The following BIN3 variants were observed in gnomAD, a reference collection of about 807,000 sequenced individuals.
BIN3 encodes the protein bridging integrator 3.
Under a neutral mutation model 38.2 loss-of-function variants are expected in BIN3, and 41 were observed. That is an observed-to-expected ratio of 1.07 (90% CI 0.84 to 1.39). The LOEUF (loss-of-function observed/expected upper bound fraction) is 1.39. Ranked by LOEUF, BIN3 falls within the 40% of genes most tolerant of loss-of-function variation. BIN3 has a pLI of 0.00. For synonymous variants in BIN3, 145 were observed against 122.6 expected (o/e 1.18, Z -1.21); for missense variants, 361 against 324.3 (o/e 1.11, Z -0.87).
intron 1 of BIN3, among the ~76,000 whole-genome samples, chr8:22,663,743 G>A (rs1585207974): frequency 1.3e-5 from 2 of 152,150 alleles, no homozygotes; most frequent in East Asian, 3.8e-4. Flanking sequence ...CTGACAGTCC[G>A]CACAAACACT....
At chr8:22,667,613 G>A (rs148683910) in intron 1 of BIN3, among the ~76,000 whole-genome samples, 4 of 152,314 alleles carry the variant, frequency 2.6e-5, no homozygotes, top group Non-Finnish European at 4.4e-5. Context: ...AAGAATTGCC[G>A]CTTTGCCCAC....
chr8:22,658,188 GAT>G (rs1285079021), intron 1 of BIN3, among the ~76,000 whole-genome samples: 1 of 152,182 alleles, frequency 6.6e-6, no homozygotes, highest in Non-Finnish European at 1.5e-5. Flanking sequence ...CAGGAGAAGA[GAT>G]ATTTTAGTCT....
In BIN3 at chr8:22,636,522, T is replaced by A; in HGVS notation, c.160+3A>T. 4.5e-6 allele frequency: 7 copies of A among 1,552,196 alleles called. No homozygotes were observed. The highest frequency in any genetic ancestry group is 6.1e-6 in the Non-Finnish European group (7 of 1,147,348). On this transcript the variant is annotated splice_donor_region_variant and intron_variant, in intron 4 of 8. Coordinates refer to ENST00000276416, the MANE Select transcript of BIN3 (RefSeq NM_018688.6). ...CGAGTGGTGCGGGTGGAAAGTCACCTACCCAGGTCTGCGTCGGTGCTCTTC... is the reference window on the plus strand; with the variant it reads ...CGAGTGGTGCGGGTGGAAAGTCACCAACCCAGGTCTGCGTCGGTGCTCTTC...
chr8:22,645,134 T>C (rs1802675708), intron 1 of BIN3, among the ~76,000 whole-genome samples: 1 of 148,932 alleles, frequency 6.7e-6, no homozygotes, highest in South Asian at 2.1e-4. Flanking sequence ...CACTGTTCTC[T>C]AGCCTAAGCG....
At chr8:22,650,920 A>C (rs904407099) in intron 1 of BIN3, among the ~76,000 whole-genome samples, 1 of 152,222 alleles carries the variant, frequency 6.6e-6, no homozygotes, top group Admixed American at 6.5e-5. Flanking sequence ...GCTCAATATT[A>C]AGTAAACTAT....
At chr8:22,625,316 G>C in intron 6 of BIN3, 1 of 702,500 alleles carries the variant, frequency 1.4e-6, no homozygotes, top group Non-Finnish European at 2.6e-6. Flanking sequence ...AGGCAAGCCA[G>C]AGCCCTGCAG....
At chr8:22,630,866 T>C (rs1337397404) in intron 4 of BIN3, among the ~76,000 whole-genome samples, 1 of 152,194 alleles carries the variant, frequency 6.6e-6, no homozygotes, top group Admixed American at 6.5e-5. Context: ...CTATAAAATA[T>C]GTTTCTGGCT....
intron 1 of BIN3, among the ~76,000 whole-genome samples, chr8:22,668,812 G>A (rs1803512390): frequency 6.6e-6 from 1 of 152,252 alleles, no homozygotes; most frequent in Admixed American, 6.5e-5. Context: ...CGGGTCAGAC[G>A]CGGAGTCCCA....
intron 4 of BIN3, among the ~76,000 whole-genome samples, chr8:22,632,551 T>C (rs780754708): frequency 2.6e-5 from 4 of 152,180 alleles, no homozygotes; most frequent in Non-Finnish European, 5.9e-5. Context: ...GATTTGATTA[T>C]GAAATGATCA....
At chr8:22,657,944 C>T (rs1425405144) in intron 1 of BIN3, among the ~76,000 whole-genome samples, 1 of 152,226 alleles carries the variant, frequency 6.6e-6, no homozygotes, top group East Asian at 1.9e-4. Context: ...GGCAGTGCTC[C>T]AGGGCAGGAG....
intron 4 of BIN3, among the ~76,000 whole-genome samples, chr8:22,632,782 C>T (rs775107834): frequency 1.1e-4 from 16 of 149,780 alleles, no homozygotes; most frequent in Non-Finnish European, 1.8e-4. Flanking sequence ...CATCTCGGCT[C>T]ACTGCATCCT....
At chr8:22,634,630 C>T (rs7838146) in intron 4 of BIN3, 166,884 of 433,332 alleles carry the variant, frequency 0.39, 33,053 homozygotes, top group East Asian at 0.55. Context: ...GTCCTCAAGT[C>T]CCACCCGTAG....
chr8:22,649,465 G>A (rs1323168165), intron 1 of BIN3, among the ~76,000 whole-genome samples: 1 of 151,812 alleles, frequency 6.6e-6, no homozygotes, highest in Non-Finnish European at 1.5e-5. Flanking sequence ...AAAAGGGGAT[G>A]GGGTGGGTGG....
At chr8:22,637,050 T>C (rs1203840405) in intron 2 of BIN3, 88 bp from the exon 3 acceptor site, 42 of 1,190,878 alleles carry the variant, frequency 3.5e-5, no homozygotes, top group Non-Finnish European at 1.9e-5. Context: ...CTCCACACCC[T>C]GCCCCAGTCC....
intron 2 of BIN3, 134 bp downstream of exon 2, chr8:22,644,621 T>G: frequency 1.3e-6 from 1 of 795,894 alleles, no homozygotes; most frequent in Non-Finnish European, 2.1e-6. Context: ...AGGTTCTAGA[T>G]CCGCATAAGC....
intron 8 of BIN3, among the ~76,000 whole-genome samples, 190 bp from the exon 9 acceptor site, chr8:22,621,758 A>C (rs1379685545): frequency 4.6e-5 from 7 of 152,236 alleles, no homozygotes; most frequent in Non-Finnish European, 1.0e-4. Context: ...CCGGGGAGCA[A>C]CAGGGCCTCA....
chr8:22,654,009 A>T (rs75750421), intron 1 of BIN3, among the ~76,000 whole-genome samples: 1,748 of 152,242 alleles, frequency 0.011, 36 homozygotes, highest in African/African-American at 0.039. Flanking sequence ...GTTTTCAACC[A>T]ATCACCCTGA....
chr8:22,623,204 T>C (rs1344708271), intron 8 of BIN3, among the ~76,000 whole-genome samples: 23 of 152,230 alleles, frequency 1.5e-4, no homozygotes, highest in Non-Finnish European at 2.9e-5. Flanking sequence ...GCTTCTGGCA[T>C]GGGTGCCCAC....
At chr8:22,653,063 C>G (rs996595230) in intron 1 of BIN3, among the ~76,000 whole-genome samples, 17 of 152,164 alleles carry the variant, frequency 1.1e-4, no homozygotes, top group Admixed American at 3.9e-4. Flanking sequence ...TGCAAATAAA[C>G]TAAGATGTCA....
Sources: gnomAD v4.1 joint callset for allele counts (sites outside exome capture counted in the v4.1 genomes callset) on GRCh38, gnomAD v4.1.1 for gene constraint, MANE v1.5 for transcripts, NCBI Gene and HGNC (gene_info 2026-07-23, HGNC 2026-07-21) for gene names.